CLSTN2: variants seen among roughly 807,000 people sequenced by gnomAD.
CLSTN2 encodes the protein calsyntenin 2.
In CLSTN2, 48 loss-of-function variants were observed where a neutral mutation model predicts 101.2. That is an observed-to-expected ratio of 0.47 (90% CI 0.38 to 0.60). CLSTN2 has a LOEUF of 0.60. Among genes scored for constraint, CLSTN2 ranks in the 20% least tolerant of loss-of-function variants. The pLI is 0.00. For synonymous variants in CLSTN2, 481 were observed against 463.6 expected (o/e 1.04, Z -0.48); for missense variants, 1,160 against 1,238.2 (o/e 0.94, Z 0.95).
chr3:140,144,705 G>T (rs1264660298), intron 1 of CLSTN2, among the ~76,000 whole-genome samples: 1 of 152,102 alleles, frequency 6.6e-6, no homozygotes, highest in Non-Finnish European at 1.5e-5. Context: ...AGCAGATTAG[G>T]CTCAAAGTGC....
chr3:140,122,799 A>G (rs767117008), intron 1 of CLSTN2, among the ~76,000 whole-genome samples: 1 of 152,164 alleles, frequency 6.6e-6, no homozygotes, highest in African/African-American at 2.4e-5. Flanking sequence ...TTTGTGGGCT[A>G]TATAGTTGCG....
intron 1 of CLSTN2, among the ~76,000 whole-genome samples, chr3:140,030,527 AC>A (rs916723360): frequency 7.2e-5 from 11 of 152,152 alleles, no homozygotes; most frequent in African/African-American, 2.7e-4. Context: ...TAGGTCACTC[AC>A]TAGGCAGGTG....
chr3:140,468,850 T>C (rs1317790315), intron 8 of CLSTN2, among the ~76,000 whole-genome samples: 1 of 152,224 alleles, frequency 6.6e-6, no homozygotes, highest in Non-Finnish European at 1.5e-5. Flanking sequence ...TCTAAAATGG[T>C]CACTTCTTCA....
chr3:140,397,065 C>A (rs1450446850), intron 2 of CLSTN2, among the ~76,000 whole-genome samples: 3 of 151,448 alleles, frequency 2.0e-5, no homozygotes, highest in Admixed American at 2.0e-4. Context: ...TAAAAAATAA[C>A]AATAAACTCA....
At chr3:140,278,291 A>T (rs528311442) in intron 2 of CLSTN2, among the ~76,000 whole-genome samples, 68 of 152,276 alleles carry the variant, frequency 4.5e-4, no homozygotes, top group Non-Finnish European at 7.5e-4. Context: ...GTCCTCACAC[A>T]GGGCCCCGCC....
intron 2 of CLSTN2, among the ~76,000 whole-genome samples, chr3:140,351,337 C>T (rs956770189): frequency 1.3e-5 from 2 of 152,070 alleles, no homozygotes; most frequent in African/African-American, 2.4e-5. Context: ...AGAAGAGATA[C>T]CTAAGTGAGA....
intron 1 of CLSTN2, among the ~76,000 whole-genome samples, chr3:140,018,050 G>T (rs1201774748): frequency 6.6e-6 from 1 of 152,188 alleles, no homozygotes; most frequent in Non-Finnish European, 1.5e-5. Context: ...GGAGGGCTTT[G>T]TTCTTTTGAG....
At chr3:140,413,171 A>G (rs1327779766) in intron 4 of CLSTN2, among the ~76,000 whole-genome samples, 1 of 152,170 alleles carries the variant, frequency 6.6e-6, no homozygotes. Flanking sequence ...AACAGAGACA[A>G]GACTCAAATA....
At chr3:140,445,203 A>G (rs1256001517) in intron 5 of CLSTN2, among the ~76,000 whole-genome samples, 2 of 152,082 alleles carry the variant, frequency 1.3e-5, no homozygotes, top group Admixed American at 6.5e-5. Context: ...CTAGGGGGTG[A>G]GTGAGAGGAT....
chr3:140,526,271 T>C (rs1197464165), intron 8 of CLSTN2, among the ~76,000 whole-genome samples: 1 of 152,076 alleles, frequency 6.6e-6, no homozygotes, highest in Non-Finnish European at 1.5e-5. Context: ...ATGCCAATAA[T>C]GTTCTAGCTG....
chr3:140,247,986 G>C (rs893790112), intron 2 of CLSTN2, among the ~76,000 whole-genome samples: 1 of 152,192 alleles, frequency 6.6e-6, no homozygotes, highest in Admixed American at 6.5e-5. Flanking sequence ...TCCCAGGGTT[G>C]AGGTCACCTC....
intron 2 of CLSTN2, among the ~76,000 whole-genome samples, chr3:140,270,293 G>A (rs1286781046): frequency 6.6e-6 from 1 of 152,104 alleles, no homozygotes; most frequent in East Asian, 1.9e-4. Flanking sequence ...GGATGGAGGT[G>A]GACTCACACC....
intron 2 of CLSTN2, among the ~76,000 whole-genome samples, chr3:140,204,750 G>A (rs1055857807): frequency 3.3e-5 from 5 of 152,186 alleles, no homozygotes; most frequent in South Asian, 2.1e-4. Flanking sequence ...GAAGGGCAAC[G>A]TGAGCCTTCT....
At chr3:139,998,910 T>G (rs1332406038) in intron 1 of CLSTN2, among the ~76,000 whole-genome samples, 1 of 152,190 alleles carries the variant, frequency 6.6e-6, no homozygotes. Context: ...CTGGAAACCT[T>G]GAGGCCAAAT....
intron 1 of CLSTN2, among the ~76,000 whole-genome samples, chr3:140,070,384 T>C (rs1332173708): frequency 6.6e-6 from 1 of 152,222 alleles, no homozygotes; most frequent in Non-Finnish European, 1.5e-5. Context: ...TTATAAGCCT[T>C]GTATTAAACT....
intron 1 of CLSTN2, among the ~76,000 whole-genome samples, chr3:140,084,857 A>T (rs2107782869): frequency 1.3e-5 from 2 of 152,300 alleles, no homozygotes; most frequent in Middle Eastern, 3.4e-3. Flanking sequence ...TACCCTCCTG[A>T]GGAAGTCTAC....
intron 2 of CLSTN2, among the ~76,000 whole-genome samples, chr3:140,344,956 C>G (rs999710468): frequency 3.3e-5 from 5 of 152,154 alleles, no homozygotes; most frequent in African/African-American, 9.7e-5. Flanking sequence ...TCTGGCATTT[C>G]CAAGTGGGCA....
At chr3:140,421,444 C>T (rs1223748492) in intron 5 of CLSTN2, among the ~76,000 whole-genome samples, 170 bp downstream of exon 5, 3 of 152,200 alleles carry the variant, frequency 2.0e-5, no homozygotes, top group Admixed American at 6.5e-5. Context: ...TATATTATCC[C>T]CATTTTTCAG....
At chr3:139,959,925 C>G (rs374088430) in intron 1 of CLSTN2, among the ~76,000 whole-genome samples, 1 of 152,170 alleles carries the variant, frequency 6.6e-6, no homozygotes, top group African/African-American at 2.4e-5. Flanking sequence ...TCTCCCACCC[C>G]CTACCAGCTT....
Sources: gnomAD v4.1 joint callset for allele counts (sites outside exome capture counted in the v4.1 genomes callset) on GRCh38, gnomAD v4.1.1 for gene constraint, MANE v1.5 for transcripts, NCBI Gene and HGNC (gene_info 2026-07-23, HGNC 2026-07-21) for gene names.